PTPRK: variants seen among roughly 807,000 people sequenced by gnomAD.
PTPRK encodes the protein receptor-type tyrosine-protein phosphatase kappa.
PTPRK carries 75 observed loss-of-function variants against 178.0 expected under a neutral mutation model. The ratio of observed to expected loss-of-function variants is 0.42; its 90% CI spans 0.35 to 0.51. PTPRK has a LOEUF of 0.51. Ranked by LOEUF, PTPRK falls within the 20% of genes least tolerant of loss-of-function variation. The pLI is 0.02. For missense variants in PTPRK, 1,441 were observed against 1,797.8 expected (o/e 0.80, Z 3.59); for synonymous variants, 637 against 620.6 (o/e 1.03, Z -0.39).
At chr6:128,027,072 A>T (rs1315876855) in intron 13 of PTPRK, among the ~76,000 whole-genome samples, 1 of 152,226 alleles carries the variant, frequency 6.6e-6, no homozygotes, top group South Asian at 2.1e-4. Context: ...TGCGCCACAT[A>T]TATCCTAATT....
chr6:128,109,851 A>C (rs1252095795), intron 7 of PTPRK, among the ~76,000 whole-genome samples: 3 of 152,142 alleles, frequency 2.0e-5, no homozygotes, highest in Non-Finnish European at 4.4e-5. Flanking sequence ...GGATGAAAAA[A>C]CAGAGACTTC....
intron 2 of PTPRK, among the ~76,000 whole-genome samples, chr6:128,355,796 TA>T (rs975803303): frequency 1.8e-4 from 28 of 152,122 alleles, no homozygotes; most frequent in African/African-American, 5.3e-4. Flanking sequence ...TAAAGTACAA[TA>T]AAAAAAGTAA....
At chr6:127,990,395 A>G (rs903819002) in intron 21 of PTPRK, among the ~76,000 whole-genome samples, 2 of 152,070 alleles carry the variant, frequency 1.3e-5, no homozygotes, top group Non-Finnish European at 2.9e-5. Context: ...TTTCTCAACA[A>G]TGAGTTTTTC....
At chr6:128,207,671 A>G (rs1807217656) in intron 6 of PTPRK, among the ~76,000 whole-genome samples, 2 of 152,218 alleles carry the variant, frequency 1.3e-5, no homozygotes. Flanking sequence ...TTTCACAATA[A>G]AATTCAAAAC....
intron 7 of PTPRK, among the ~76,000 whole-genome samples, chr6:128,121,576 T>C (rs1332061355): frequency 6.6e-6 from 1 of 152,024 alleles, no homozygotes; most frequent in Non-Finnish European, 1.5e-5. Context: ...TACAAACTTA[T>C]CTGCACAGAA....
In PTPRK at chr6:128,007,482, T is replaced by C. The variant is rs567750755; in HGVS notation, c.2333+1648A>G. Reference sequence around the variant, plus strand: ...CTCATTAACTTAACCATTTAATATATGAACCAGAAAATCAAGTTGTCATAT... The same window carrying C: ...CTCATTAACTTAACCATTTAATATACGAACCAGAAAATCAAGTTGTCATAT... On this transcript the variant is annotated intron_variant, in intron 14 of 29. Transcript: ENST00000368226. 7.3e-5 allele frequency among the ~76,000 whole-genome samples: 11 copies of C among 151,032 alleles called. No individual in the cohort carries two copies. The South Asian group carries it at 2.3e-3, about 31-fold the overall frequency.
intron 7 of PTPRK, among the ~76,000 whole-genome samples, chr6:128,132,254 A>C (rs1220873711): frequency 6.6e-6 from 1 of 152,182 alleles, no homozygotes; most frequent in Admixed American, 6.5e-5. Flanking sequence ...GGCTCACTGC[A>C]AACTCCGCCT....
At position 128,070,455 on chromosome 6, in the gene PTPRK, C is replaced by T. The variant is rs757988171; in HGVS notation, c.1884-2663G>A. 3.9e-5 allele frequency among the ~76,000 whole-genome samples: 6 copies of T among 151,968 alleles called. No homozygotes were observed. The East Asian group carries it at 7.7e-4, about 20-fold the overall frequency. On this transcript the variant is annotated intron_variant, in intron 11 of 29. Coordinates refer to ENST00000368226, the MANE Select transcript of PTPRK (RefSeq NM_002844.4). ...CCGAGAGCACCTGGATCTTGGACTT[C>T]CCAGTCTCCAGAACTGTGAGAAATA...
chr6:128,150,096 G>C (rs1797043614), intron 7 of PTPRK, among the ~76,000 whole-genome samples: 1 of 152,078 alleles, frequency 6.6e-6, no homozygotes, highest in African/African-American at 2.4e-5. Context: ...GTATCAATTT[G>C]GGTTAAAAGG....
intron 2 of PTPRK, among the ~76,000 whole-genome samples, chr6:128,362,247 A>G (rs74626623): frequency 6.6e-6 from 1 of 152,214 alleles, no homozygotes; most frequent in East Asian, 1.9e-4. Flanking sequence ...CAAGGGAGGA[A>G]GGAGGAAAGT....
At chr6:128,240,456 T>C (rs742736) in intron 4 of PTPRK, among the ~76,000 whole-genome samples, 14,558 of 152,176 alleles carry the variant, frequency 0.096, 1,527 homozygotes, top group East Asian at 0.34. Flanking sequence ...ATATGGATGA[T>C]AATAAAACAG....
intron 27 of PTPRK, among the ~76,000 whole-genome samples, 190 bp downstream of exon 27, chr6:127,976,467 C>G (rs898026038): frequency 1.3e-5 from 2 of 152,200 alleles, no homozygotes; most frequent in Admixed American, 6.5e-5. Flanking sequence ...ACCGAAAAAC[C>G]TAGCTTCCAG....
chr6:128,293,885 T>C (rs764394099), intron 3 of PTPRK, among the ~76,000 whole-genome samples: 3 of 152,098 alleles, frequency 2.0e-5, no homozygotes, highest in Non-Finnish European at 4.4e-5. Flanking sequence ...GATCATATCA[T>C]AGACATGTTT....
chr6:128,436,135 G>A (rs147491311), intron 1 of PTPRK, among the ~76,000 whole-genome samples: 9 of 151,892 alleles, frequency 5.9e-5, no homozygotes, highest in African/African-American at 1.9e-4. Flanking sequence ...TTTGGGTCTC[G>A]ACCAACATTT....
At chr6:128,264,012 C>G (rs1282151183) in intron 3 of PTPRK, among the ~76,000 whole-genome samples, 1 of 150,976 alleles carries the variant, frequency 6.6e-6, no homozygotes, top group East Asian at 1.9e-4. Context: ...ATGAAGCAGA[C>G]TACTACATCA....
intron 5 of PTPRK, among the ~76,000 whole-genome samples, chr6:128,223,980 C>T (rs1243078599): frequency 6.6e-6 from 1 of 152,142 alleles, no homozygotes. Context: ...TTAGACATTG[C>T]TTTCTTTACT....
intron 1 of PTPRK, among the ~76,000 whole-genome samples, chr6:128,412,763 C>G (rs1842446021): frequency 1.3e-5 from 2 of 152,296 alleles, no homozygotes; most frequent in African/African-American, 4.8e-5. Context: ...GTAATGGCTT[C>G]CGGTTGGCCC....
chr6:128,374,952 A>C (rs1212114275), intron 2 of PTPRK, among the ~76,000 whole-genome samples: 1 of 151,942 alleles, frequency 6.6e-6, no homozygotes, highest in Non-Finnish European at 1.5e-5. Flanking sequence ...AGGACTTTCC[A>C]CTTGCTGATC....
At chr6:128,098,352 C>T (rs1292096003) in intron 7 of PTPRK, among the ~76,000 whole-genome samples, 1 of 152,040 alleles carries the variant, frequency 6.6e-6, no homozygotes, top group East Asian at 1.9e-4. Context: ...TTGTTTTGGT[C>T]AGCAGAATAA....
Sources: allele counts gnomAD v4.1 joint callset (sites outside exome capture counted in the v4.1 genomes callset), GRCh38; gene constraint gnomAD v4.1.1; transcripts MANE v1.5; gene names NCBI Gene and HGNC (gene_info 2026-07-23, HGNC 2026-07-21).